FITM1: variants seen among roughly 807,000 people sequenced by gnomAD.
FITM1 encodes the protein fat storage-inducing transmembrane protein 1.
A neutral mutation model predicts 22.2 loss-of-function variants in FITM1; 11 were observed. The ratio of observed to expected loss-of-function variants is 0.50; its 90% CI spans 0.31 to 0.82. The LOEUF (loss-of-function observed/expected upper bound fraction) is 0.82. Ranked by LOEUF, FITM1 falls within the 40% of genes least tolerant of loss-of-function variation. FITM1 has a pLI of 0.04. For missense variants in FITM1, 394 were observed against 386.4 expected (o/e 1.02, Z -0.17); for synonymous variants, 164 against 174.0 (o/e 0.94, Z 0.45).
chr14:24,132,758 T>A lies in FITM1; in HGVS notation c.814T>A (p.Trp272Arg). Reference sequence around the variant, plus strand: ...CTATGGCAGCTGGTATCATCAGCCCTGGTCTCCAGGGAGCCCAGGCCATGG... The same window carrying A: ...CTATGGCAGCTGGTATCATCAGCCCAGGTCTCCAGGGAGCCCAGGCCATGG... ...LTYGSWYHQP[W>R]SPGSPGHGLF... Residue 272 changes from tryptophan to arginine, a missense_variant, in exon 2 of 2, where the codon TGG (tryptophan) becomes AGG (arginine). Coordinates refer to ENST00000267426, the MANE Select transcript of FITM1 (RefSeq NM_203402.3). The A allele has an allele frequency of 1.2e-6, 2 of 1,613,416 alleles. No homozygotes were observed. The highest frequency in any genetic ancestry group is 1.7e-6 in the Non-Finnish European group (2 of 1,179,870).
rs561318872 is a variant in FITM1 at position 24,131,790 on chromosome 14, C to T, written c.227C>T (p.Pro76Leu). Residue 76 changes from proline to leucine, a missense_variant, in exon 1 of 2, where the codon CCT becomes CTT. Pro to Leu is a moderately conservative substitution (Grantham distance 98). Transcript: ENST00000267426. ...CCGCTTCTGCAGTTCCATGTCAACC[C>T]TCGGACTATCTTCGCCAGCCACGGC... ...FGPLLQFHVNPRTIFASHGNF... is the reference protein window; with the variant it reads ...FGPLLQFHVNLRTIFASHGNF... The T allele has an allele frequency of 3.0e-5, 48 of 1,607,848 alleles. No homozygotes were observed. The South Asian group carries it at 5.1e-4, about 17-fold the overall frequency.
chr14:24,132,065 G>C, intron 1 of FITM1, 146 bp from the exon 2 acceptor site: 1 of 1,285,206 alleles, frequency 7.8e-7, no homozygotes, highest in Non-Finnish European at 1.1e-6. Context: ...AGATAGCAAA[G>C]GTTAAATGAC....
Position 24,132,695 on chromosome 14 carries a change from G to C in FITM1, c.751G>C (p.Val251Leu). The C allele has an allele frequency of 6.2e-7, 1 of 1,614,006 alleles. No individual in the cohort carries two copies. The highest frequency in any genetic ancestry group is 8.5e-7 in the Non-Finnish European group (1 of 1,180,032). ...TTTCCACCAGTACACTCACAAGGTGGTGGGCGCCGCAGTGGGCACCTTTGC... is the reference window on the plus strand; with the variant it reads ...TTTCCACCAGTACACTCACAAGGTGCTGGGCGCCGCAGTGGGCACCTTTGC... ...IYFHQYTHKVVGAAVGTFAWY... is the reference protein window; with the variant it reads ...IYFHQYTHKVLGAAVGTFAWY... The change falls in exon 2 of 2, where the codon GTG (valine) becomes CTG (leucine). Residue 251 changes from valine (V) to leucine (L), a missense_variant. By Grantham distance (32) the Val-to-Leu change is conservative (BLOSUM62 1). Coordinates refer to ENST00000267426, the MANE Select transcript of FITM1 (RefSeq NM_203402.3).
rs554195528 is a variant in FITM1 at position 24,132,810 on chromosome 14, G to A, written c.866G>A (p.Arg289His). The A allele has an allele frequency of 1.6e-5, 26 of 1,608,890 alleles. No individual in the cohort carries two copies. Among genetic ancestry groups the A allele is most frequent in the South Asian group, 6.6e-5 (6 of 90,618 alleles). Reference protein sequence around the residue: ...HGLFPRPHSSRKHN With the variant: ...HGLFPRPHSSHKHN Reference sequence around the variant, plus strand: ...CTCTTCCCCCGTCCCCACTCCAGCCGCAAGCATAACTGAAAGAAATAAAAA... The same window carrying A: ...CTCTTCCCCCGTCCCCACTCCAGCCACAAGCATAACTGAAAGAAATAAAAA... Residue 289 changes from arginine (R) to histidine (H), a missense_variant, in exon 2 of 2, where the codon CGC (arginine) becomes CAC (histidine). Coordinates refer to ENST00000267426, the MANE Select transcript of FITM1 (RefSeq NM_203402.3).
rs778875280 is a variant in FITM1 at position 24,132,467 on chromosome 14, G to T, written c.523G>T (p.Gly175Cys). 3 of 1,604,870 alleles carry T rather than the reference G, an allele frequency of 1.9e-6. No homozygotes were observed. Among genetic ancestry groups the T allele is most frequent in the Non-Finnish European group, 2.5e-6 (3 of 1,179,952 alleles). ...TGACCGCCGCAGCTGCCTGGCAGCC[G>T]GCCACCAGTGGCGAGGCTACACCGT... ...LPDRRSCLAA[G>C]HQWRGYTVSS... Residue 175 changes from glycine (G) to cysteine (C), a missense_variant, in exon 2 of 2, where the codon GGC becomes TGC. By Grantham distance (159) the Gly-to-Cys change is radical. Transcript: ENST00000267426.
rs1245251420 is a variant in FITM1 at position 24,130,736 on chromosome 14, T to G, written c.-828T>G. On this transcript the variant is annotated 5_prime_UTR_variant, in exon 1 of 2. Coordinates refer to ENST00000267426, the MANE Select transcript of FITM1 (RefSeq NM_203402.3). ...ATATGGAGAGCCCTGAGGCCCAGGG[T>G]AGTTGGTTGGAGGATGGAACTTAAG... Among the ~76,000 whole-genome samples the G allele has an allele frequency of 6.6e-6, 1 of 152,088 alleles. No homozygotes were observed. The highest frequency in any genetic ancestry group is 1.5e-5 in the Non-Finnish European group (1 of 68,004).
At position 24,131,484 on chromosome 14, in the gene FITM1, T is replaced by C. The variant is rs1020241525; in HGVS notation, c.-80T>C. 3 of 1,347,486 alleles carry C rather than the reference T, an allele frequency of 2.2e-6. No homozygotes were observed. Among genetic ancestry groups the C allele is most frequent in the African/African-American group, 2.9e-5 (2 of 69,454 alleles). The allele number at this position is 1,347,486 out of a possible 1,614,324, so 83.5% of individuals were successfully genotyped here. A position where few individuals can be genotyped will look rare whatever the true frequency, so the allele number is the denominator to read the frequency against. On this transcript the variant is annotated 5_prime_UTR_variant, in exon 1 of 2. Transcript: ENST00000267426. ...TGTGTCTGCCACACCTGTCACTGCC[T>C]ATCCTTGTCCAGGGGGGGCCCCATC...
chr14:24,132,441 C>G lies in FITM1; in HGVS notation c.497C>G (p.Pro166Arg), dbSNP rs758730003. 1.2e-6 allele frequency: 2 copies of G among 1,607,044 alleles called. No homozygotes were observed. Among genetic ancestry groups the G allele is most frequent in the African/African-American group, 1.3e-5 (1 of 75,054 alleles). ...CAGGGTCTGCTGCTCCACGAGCTGCCTGACCGCCGCAGCTGCCTGGCAGCC... is the reference window on the plus strand; with the variant it reads ...CAGGGTCTGCTGCTCCACGAGCTGCGTGACCGCCGCAGCTGCCTGGCAGCC... The part of the protein sequence containing the change: ...LPQGLLLHEL[P>R]DRRSCLAAGH... Residue 166 changes from proline to arginine, a missense_variant, in exon 2 of 2, where the codon CCT becomes CGT. Physicochemically the swap from Pro to Arg is moderately radical, Grantham distance 103. Transcript: ENST00000267426.
Position 24,131,929 on chromosome 14 carries a change from T to C in FITM1, c.266+100T>C, listed in dbSNP as rs1022985991. On this transcript the variant is annotated intron_variant, in intron 1 of 1. Transcript: ENST00000267426. ...CTCCTGCCAGTCTGAACACTAAAAA[T>C]AGGCTAGGAGGTTGAGGAAAAGGTC... 1.6e-5 allele frequency: 23 copies of C among 1,469,972 alleles called. No homozygotes were observed. The African/African-American group carries it at 3.0e-4, about 19-fold the overall frequency. 91.1% of individuals were successfully genotyped at this position (1,469,972 alleles called of 1,614,324 possible).
intron 1 of FITM1, 159 bp from the exon 2 acceptor site, chr14:24,132,052 A>G: frequency 8.1e-7 from 1 of 1,227,072 alleles, no homozygotes; most frequent in Non-Finnish European, 1.1e-6. Context: ...TTGTCTTCCA[A>G]GGAGATAGCA....
intron 1 of FITM1, 153 bp from the exon 2 acceptor site, chr14:24,132,058 T>G: frequency 8.0e-7 from 1 of 1,245,974 alleles, no homozygotes; most frequent in East Asian, 2.4e-5. Flanking sequence ...TCCAAGGAGA[T>G]AGCAAAGGTT....
At position 24,130,669 on chromosome 14, in the gene FITM1, C is replaced by T. The variant is rs1415395637; in HGVS notation, c.-895C>T. Among the ~76,000 whole-genome samples, 1 of 152,222 alleles carries T rather than the reference C, an allele frequency of 6.6e-6. No homozygotes were observed. Among genetic ancestry groups the T allele is most frequent in the Non-Finnish European group, 1.5e-5 (1 of 68,032 alleles). Reference sequence around the variant, plus strand: ...CTCCGTGGATAGGTAGCTGACTGCCCTGCTGTCGCCGCCTCAGCAGTCAGA... The same window carrying T: ...CTCCGTGGATAGGTAGCTGACTGCCTTGCTGTCGCCGCCTCAGCAGTCAGA... On this transcript the variant is annotated 5_prime_UTR_variant, in exon 1 of 2. Coordinates refer to ENST00000267426, the MANE Select transcript of FITM1 (RefSeq NM_203402.3).
Position 24,132,781 on chromosome 14 carries a change from T to C in FITM1, c.837T>C (p.His279=). Residue 279 remains histidine (H), a synonymous_variant, in exon 2 of 2, where the codon CAT becomes CAC. Coordinates refer to ENST00000267426, the MANE Select transcript of FITM1 (RefSeq NM_203402.3). ...HQPWSPGSPG[H]GLFPRPHSSR... ...CCTGGTCTCCAGGGAGCCCAGGCCA[T>C]GGGCTCTTCCCCCGTCCCCACTCCA... is the stretch of plus-strand genomic sequence containing the variant. 6.2e-7 allele frequency: 1 copy of C among 1,612,890 alleles called. No individual in the cohort carries two copies. Among genetic ancestry groups the C allele is most frequent in the Non-Finnish European group, 8.5e-7 (1 of 1,179,814 alleles).
rs568381413 is a variant in FITM1, at chr14:24,132,470, C to A, written c.526C>A (p.His176Asn). Residue 176 changes from histidine (H) to asparagine (N), a missense_variant, in exon 2 of 2, where the codon CAC (histidine) becomes AAC (asparagine). Physicochemically the swap from His to Asn is moderately conservative, Grantham distance 68. Coordinates refer to ENST00000267426, the MANE Select transcript of FITM1 (RefSeq NM_203402.3). ...CCGCCGCAGCTGCCTGGCAGCCGGCCACCAGTGGCGAGGCTACACCGTCTC... is the reference window on the plus strand; with the variant it reads ...CCGCCGCAGCTGCCTGGCAGCCGGCAACCAGTGGCGAGGCTACACCGTCTC... ...PDRRSCLAAGHQWRGYTVSSH... is the reference protein window; with the variant it reads ...PDRRSCLAAGNQWRGYTVSSH... 4.4e-6 allele frequency: 7 copies of A among 1,604,874 alleles called. No individual in the cohort carries two copies. Among genetic ancestry groups the A allele is most frequent in the East Asian group, 2.2e-5 (1 of 44,882 alleles).
chr14:24,132,768 G>A lies in FITM1; in HGVS notation c.824G>A (p.Gly275Glu), dbSNP rs781068396. Reference protein sequence around the residue: ...GSWYHQPWSPGSPGHGLFPRP... With the variant: ...GSWYHQPWSPESPGHGLFPRP... Reference sequence around the variant, plus strand: ...TGGTATCATCAGCCCTGGTCTCCAGGGAGCCCAGGCCATGGGCTCTTCCCC... The same window carrying A: ...TGGTATCATCAGCCCTGGTCTCCAGAGAGCCCAGGCCATGGGCTCTTCCCC... Residue 275 changes from glycine (G) to glutamate (E), a missense_variant, in exon 2 of 2, where the codon GGG becomes GAG. Physicochemically the swap from Gly to Glu is moderately conservative, Grantham distance 98. Transcript: ENST00000267426. The A allele has an allele frequency of 3.7e-6, 6 of 1,612,998 alleles. No homozygotes were observed. The highest frequency in any genetic ancestry group is 1.3e-5 in the African/African-American group (1 of 74,836).
At position 24,131,558 on chromosome 14, in the gene FITM1, G is replaced by T. The variant is rs1367086808; in HGVS notation, c.-6G>T. ...AAGCAAGCAGTTAGTGGGGAGGGGAGGGAACATGGAGCGGGGGCCGGTGGT... is the reference window on the plus strand; with the variant it reads ...AAGCAAGCAGTTAGTGGGGAGGGGATGGAACATGGAGCGGGGGCCGGTGGT... On this transcript the variant is annotated 5_prime_UTR_variant, in exon 1 of 2. It adds an upstream start codon to the 5' untranslated region. Transcript: ENST00000267426. 5 of 1,563,724 alleles carry T rather than the reference G, an allele frequency of 3.2e-6. No homozygotes were observed. Among genetic ancestry groups the T allele is most frequent in the Non-Finnish European group, 4.3e-6 (5 of 1,155,546 alleles).
Position 24,132,840 on chromosome 14 carries a change from C to T in FITM1, c.*17C>T, listed in dbSNP as rs187467245. 63 of 1,596,078 alleles carry T rather than the reference C, an allele frequency of 3.9e-5. No homozygotes were observed. Among genetic ancestry groups the T allele is most frequent in the East Asian group, 2.9e-4 (13 of 44,834 alleles). On this transcript the variant is annotated 3_prime_UTR_variant, in exon 2 of 2. Coordinates refer to ENST00000267426, the MANE Select transcript of FITM1 (RefSeq NM_203402.3). ...CATAACTGAAAGAAATAAAAACCATCGGGCCTGGCTGTGGCTCCTCTCATC... is the reference window on the plus strand; with the variant it reads ...CATAACTGAAAGAAATAAAAACCATTGGGCCTGGCTGTGGCTCCTCTCATC...
At position 24,132,291 on chromosome 14, in the gene FITM1, G is replaced by A. The variant is rs772195581; in HGVS notation, c.347G>A (p.Arg116Gln). The change falls in exon 2 of 2, where the codon CGG becomes CAG. Residue 116 changes from arginine (R) to glutamine (Q), a missense_variant. Transcript: ENST00000267426. Reference protein sequence around the residue: ...FVLLVVFLATRRVAVTARHLS... With the variant: ...FVLLVVFLATQRVAVTARHLS... ...TTGCTGGTGGTGTTCCTGGCTACAC[G>A]GCGCGTGGCAGTAACTGCCAGACAC... 1.3e-5 allele frequency: 21 copies of A among 1,613,740 alleles called. No homozygotes were observed. Among genetic ancestry groups the A allele is most frequent in the East Asian group, 8.9e-5 (4 of 44,892 alleles).
chr14:24,132,108 C>G (rs1004904112), intron 1 of FITM1, 103 bp from the exon 2 acceptor site: 2 of 1,485,198 alleles, frequency 1.3e-6, no homozygotes, highest in Non-Finnish European at 1.8e-6. Flanking sequence ...AAGGAGAGAA[C>G]GAGTGATGAT....
Sources: allele counts gnomAD v4.1 joint callset (sites outside exome capture counted in the v4.1 genomes callset), GRCh38; gene constraint gnomAD v4.1.1; transcripts MANE v1.5; gene names NCBI Gene and HGNC (gene_info 2026-07-23, HGNC 2026-07-21).